IL22RA2: variants seen among roughly 807,000 people sequenced by gnomAD.
IL22RA2 encodes the protein interleukin-22 receptor subunit alpha-2.
IL22RA2 carries 39 observed loss-of-function variants against 30.7 expected under a neutral mutation model. The observed-to-expected ratio is 1.27, with a 90% confidence interval of 0.98 to 1.66. The LOEUF is 1.66. Ranked by LOEUF, IL22RA2 falls within the 40% of genes most tolerant of loss-of-function variation. IL22RA2 has a pLI of 0.00. For synonymous variants in IL22RA2, 103 were observed against 105.0 expected, an observed-to-expected ratio of 0.98 and a Z score of 0.11; for missense variants, 315 against 312.7, an observed-to-expected ratio of 1.01 and a Z score of -0.05.
intron 5 of IL22RA2, among the ~76,000 whole-genome samples, chr6:137,148,909 T>G (rs549249225): frequency 6.6e-6 from 1 of 152,210 alleles, no homozygotes; most frequent in Non-Finnish European, 1.5e-5. Flanking sequence ...TGCAATTGAT[T>G]GCAAAATCAG....
intron 4 of IL22RA2, among the ~76,000 whole-genome samples, chr6:137,155,805 G>A (rs1404854682): frequency 6.6e-6 from 1 of 152,028 alleles, no homozygotes; most frequent in Non-Finnish European, 1.5e-5. Context: ...CTAACATAAG[G>A]GTTTTAACCT....
At position 137,161,686 on chromosome 6, in the gene IL22RA2, T is replaced by C. The variant is rs780444074; in HGVS notation, c.61+3A>G. 3 of 1,611,776 alleles carry C rather than the reference T, an allele frequency of 1.9e-6. No individual in the cohort carries two copies. Among genetic ancestry groups the C allele is most frequent in the East Asian group, 4.5e-5 (2 of 44,782 alleles). ...AGCAATTAAAAAGAAACAAAGCACT[T>C]ACCTGCTACACCAGTAAGGAAGAAA... On this transcript the variant is annotated splice_donor_region_variant and intron_variant, in intron 2 of 6. Transcript: ENST00000296980.
intron 1 of IL22RA2, among the ~76,000 whole-genome samples, chr6:137,163,051 T>C (rs1778552789): frequency 6.6e-6 from 1 of 152,220 alleles, no homozygotes; most frequent in African/African-American, 2.4e-5. Context: ...TATCTATACT[T>C]CCCAAATCCA....
At position 137,158,463 on chromosome 6, in the gene IL22RA2, C is replaced by T; in HGVS notation, c.81G>A (p.Glu27=). The stretch of plus-strand genomic sequence containing the variant: ...ATTGTACCCTCTGAGGCTTCAGAGA[C>T]TCATGCGTTGACTGAGTTCCTAAGA... ...TGVAGTQSTH[E]SLKPQRVQFQ... The change falls in exon 3 of 7, where the codon GAG becomes GAA. Residue 27 remains glutamate (E), a synonymous_variant. Transcript: ENST00000296980. The T allele has an allele frequency of 6.2e-7, 1 of 1,614,088 alleles. No homozygotes were observed. Among genetic ancestry groups the T allele is most frequent in the Non-Finnish European group, 8.5e-7 (1 of 1,179,960 alleles).
Position 137,158,415 on chromosome 6 carries a change from G to T in IL22RA2, c.129C>A (p.Asn43Lys). 1 of 1,614,076 alleles carries T rather than the reference G, an allele frequency of 6.2e-7. No individual in the cohort carries two copies. The highest frequency in any genetic ancestry group is 8.5e-7 in the Non-Finnish European group (1 of 1,179,962). The change falls in exon 3 of 7, where the codon AAC becomes AAA. Residue 43 changes from asparagine to lysine, a missense_variant. Asn to Lys is a moderately conservative substitution (Grantham distance 94, BLOSUM62 0). Coordinates refer to ENST00000296980, the MANE Select transcript of IL22RA2 (RefSeq NM_052962.3). ...CCCTCCCAGGCTGCCATTGCAAAAT[G>T]TTGTGAAAATTTCGGGACTGAAATT... Reference protein sequence around the residue: ...RVQFQSRNFHNILQWQPGRAL... With the variant: ...RVQFQSRNFHKILQWQPGRAL...
At position 137,158,403 on chromosome 6, in the gene IL22RA2, C is replaced by CA; in HGVS notation, c.140_141insT (p.Trp47CysfsTer43). ...TGCCAGTAAGTGCCCTCCCAGGCTG[C>CA]CATTGCAAAATGTTGTGAAAATTTC... On this transcript the variant is annotated frameshift_variant, in exon 3 of 7. Transcript: ENST00000296980. LOFTEE classifies it high-confidence loss of function. 6.2e-7 allele frequency: 1 copy of CA among 1,614,150 alleles called. No homozygotes were observed. The highest frequency in any genetic ancestry group is 8.5e-7 in the Non-Finnish European group (1 of 1,179,992).
rs202566 is a variant in IL22RA2, at chr6:137,143,937, A to C, written c.*1687T>G. 132,239 of 152,212 alleles carry C rather than the reference A, an allele frequency of 0.87. 57,786 individuals are homozygous for C. Among genetic ancestry groups the C allele is most frequent in the East Asian group, 1 (5,183 of 5,186 alleles). 9.4% of individuals were successfully genotyped at this position (152,212 alleles called of 1,614,324 possible). ...CACTTGCCTAAGCACAAAAGCAAAA[A>C]CAGAGCAAGGCAAACAATATACAAA... On this transcript the variant is annotated 3_prime_UTR_variant, in exon 7 of 7. Transcript: ENST00000296980.
chr6:137,148,778 A>G (rs1778230451), intron 5 of IL22RA2, among the ~76,000 whole-genome samples: 1 of 152,216 alleles, frequency 6.6e-6, no homozygotes, highest in Admixed American at 6.5e-5. Flanking sequence ...ATAATGGGAT[A>G]GTTAACTTTA....
chr6:137,146,499 C>T (rs187835181), intron 6 of IL22RA2, among the ~76,000 whole-genome samples: 7 of 152,224 alleles, frequency 4.6e-5, no homozygotes, highest in Admixed American at 2.0e-4. Context: ...CTAAGGCTGC[C>T]GGCACTCTAC....
At chr6:137,152,697 G>A (rs1215590723) in intron 5 of IL22RA2, among the ~76,000 whole-genome samples, 1 of 152,206 alleles carries the variant, frequency 6.6e-6, no homozygotes, top group Non-Finnish European at 1.5e-5. Flanking sequence ...TATGCTTAAA[G>A]TATAGGCTGT....
chr6:137,167,249 C>A (rs1778643829), intron 1 of IL22RA2, among the ~76,000 whole-genome samples: 1 of 152,138 alleles, frequency 6.6e-6, no homozygotes, highest in Admixed American at 6.5e-5. Context: ...ATAAACCGGA[C>A]ACTCAAACAG....
At chr6:137,147,624 G>A (rs2114347766) in intron 6 of IL22RA2, 98 bp downstream of exon 6, 3 of 974,882 alleles carry the variant, frequency 3.1e-6, no homozygotes, top group Non-Finnish European at 4.4e-6. Context: ...AAAGTAAGAG[G>A]AGGCAGAGTA....
At chr6:137,162,230 C>A (rs1480413773) in intron 1 of IL22RA2, among the ~76,000 whole-genome samples, 1 of 152,170 alleles carries the variant, frequency 6.6e-6, no homozygotes, top group African/African-American at 2.4e-5. Flanking sequence ...GCTATCGGGG[C>A]CCCTGGCAGT....
rs113919913 is a variant in IL22RA2 at position 137,168,431 on chromosome 6, G to A, written c.-66+4982C>T. Among the ~76,000 whole-genome samples the A allele has an allele frequency of 3.2e-3, 488 of 152,218 alleles. 1 individual carries two copies. The highest frequency in any genetic ancestry group is 6.9e-3 in the African/African-American group (287 of 41,512). On this transcript the variant is annotated intron_variant, in intron 1 of 6. Coordinates refer to ENST00000296980, the MANE Select transcript of IL22RA2 (RefSeq NM_052962.3). ...ACAAAACGCAAGTATTCACTTACGC[G>A]CATAAAGGGCCCGTCTCCATATATT...
chr6:137,146,467 C>T (rs539913378), intron 6 of IL22RA2, among the ~76,000 whole-genome samples: 5 of 152,266 alleles, frequency 3.3e-5, no homozygotes, highest in Admixed American at 6.5e-5. Context: ...GAACTCACTT[C>T]CGTTTCCCTT....
rs1486947294 is a variant in IL22RA2 at position 137,163,239 on chromosome 6, G to A, written c.-65-1425C>T. Among the ~76,000 whole-genome samples, 3 of 152,226 alleles carry A rather than the reference G, an allele frequency of 2.0e-5. No individual in the cohort carries two copies. In the East Asian group the frequency reaches 5.8e-4, roughly 29 times the overall value. ...CCTCATGTAGTTCCCACCTTAAGATGTTTAAACGTAGGAAAAGCCCTTTGC... is the reference window on the plus strand; with the variant it reads ...CCTCATGTAGTTCCCACCTTAAGATATTTAAACGTAGGAAAAGCCCTTTGC... On this transcript the variant is annotated intron_variant, in intron 1 of 6. Transcript: ENST00000296980.
At chr6:137,148,072 CA>C (rs1778216041) in intron 5 of IL22RA2, among the ~76,000 whole-genome samples, 181 bp from the exon 6 acceptor site, 1 of 151,714 alleles carries the variant, frequency 6.6e-6, no homozygotes, top group Non-Finnish European at 1.5e-5. Context: ...AAACCCATGT[CA>C]AAAAACAAAA....
In IL22RA2 at chr6:137,145,506, G is replaced by A. The variant is rs1778159351; in HGVS notation, c.*118C>T. On this transcript the variant is annotated 3_prime_UTR_variant, in exon 7 of 7. Transcript: ENST00000296980. ...ACAAAGAAGTCCCCAAGGTGTAACA[G>A]TGAATATTGCTTTAAGAAAATACAA... 1.2e-6 allele frequency: 1 copy of A among 860,722 alleles called. No homozygotes were observed. 53.3% of individuals were successfully genotyped at this position (860,722 alleles called of 1,614,324 possible).
At chr6:137,157,147 C>T (rs1019602448) in intron 3 of IL22RA2, among the ~76,000 whole-genome samples, 1 of 152,136 alleles carries the variant, frequency 6.6e-6, no homozygotes, top group Non-Finnish European at 1.5e-5. Flanking sequence ...TGGGAGTCCT[C>T]TTTAGGAAAA....
Sources: gnomAD v4.1 joint callset for allele counts (sites outside exome capture counted in the v4.1 genomes callset) on GRCh38, gnomAD v4.1.1 for gene constraint, MANE v1.5 for transcripts, NCBI Gene and HGNC (gene_info 2026-07-23, HGNC 2026-07-21) for gene names.